Variants in WASHC5 observed in about 807,000 individuals in gnomAD.
The protein encoded by WASHC5 is WASH complex subunit 5, also known as WASH complex subunit strumpellin.
A neutral mutation model predicts 150.4 loss-of-function variants in WASHC5; 101 were observed. The ratio of observed to expected loss-of-function variants is 0.67; its 90% confidence interval spans 0.57 to 0.79. WASHC5 has a LOEUF of 0.79. Ranked by LOEUF, WASHC5 falls within the 30% of genes least tolerant of loss-of-function variation. The pLI is 0.00. For synonymous variants in WASHC5, 467 were observed against 491.2 expected (o/e 0.95, Z 0.65); for missense variants, 1,195 against 1,396.3 (o/e 0.86, Z 2.30).
chr8:125,073,954 A>G (rs1342403989), intron 8 of WASHC5, among the ~76,000 whole-genome samples: 1 of 152,240 alleles, frequency 6.6e-6, no homozygotes, highest in East Asian at 1.9e-4. Flanking sequence ...GTTGACAAAG[A>G]AGGCAGAACA....
intron 17 of WASHC5, among the ~76,000 whole-genome samples, chr8:125,053,176 A>G (rs1436956895): frequency 4.6e-5 from 7 of 151,864 alleles, no homozygotes; most frequent in African/African-American, 7.3e-5. Context: ...TTTTAAGTCA[A>G]TATCAACCAA....
intron 14 of WASHC5, 135 bp downstream of exon 14, chr8:125,059,087 C>A (rs1159443882): frequency 4.2e-6 from 3 of 713,480 alleles, no homozygotes; most frequent in Non-Finnish European, 7.5e-6. Flanking sequence ...AAACTGCTAA[C>A]AATTTCAGTC....
chr8:125,065,066 A>C (rs1816707461), intron 10 of WASHC5, among the ~76,000 whole-genome samples: 1 of 152,088 alleles, frequency 6.6e-6, no homozygotes, highest in Non-Finnish European at 1.5e-5. Context: ...CCCTTCAAAC[A>C]CTCATTCACA....
intron 6 of WASHC5, among the ~76,000 whole-genome samples, chr8:125,076,913 C>T (rs1438989440): frequency 3.3e-5 from 5 of 152,124 alleles, no homozygotes; most frequent in African/African-American, 1.2e-4. Context: ...ATCATCATCC[C>T]AGTGGAATTC....
At chr8:125,036,480 C>G (rs13249949) in intron 26 of WASHC5, among the ~76,000 whole-genome samples, 58,663 of 151,858 alleles carry the variant, frequency 0.39, 13,418 homozygotes, top group African/African-American at 0.63. Context: ...AAACCAGTCT[C>G]GGCAACATGG....
At chr8:125,074,918 T>C (rs1586379750) in intron 8 of WASHC5, 80 bp downstream of exon 8, 2 of 860,708 alleles carry the variant, frequency 2.3e-6, no homozygotes, top group East Asian at 4.9e-5. Context: ...CCAAATTCCT[T>C]GGGAAATCTA....
intron 23 of WASHC5, among the ~76,000 whole-genome samples, chr8:125,041,320 T>C (rs7003069): frequency 0.29 from 44,725 of 152,030 alleles, 7,347 homozygotes; most frequent in South Asian, 0.44. Context: ...TGGAAATAAA[T>C]GCATTTCCTC....
In WASHC5 at chr8:125,083,300, C is replaced by G. The variant is rs376044391; in HGVS notation, c.187-42G>C. 6.8e-5 allele frequency: 107 copies of G among 1,581,846 alleles called. 1 individual carries two copies. The highest frequency in any genetic ancestry group is 7.2e-5 in the Non-Finnish European group (83 of 1,154,416). On this transcript the variant is annotated intron_variant, in intron 2 of 28. Transcript: ENST00000318410. ...CATGTGAAATGTCAATAAAAGCATA[C>G]TTGTTGGTGACAATTTCTAAATAGT...
intron 7 of WASHC5, 68 bp from the exon 8 acceptor site, chr8:125,075,179 A>C (rs1817015446): frequency 3.1e-6 from 3 of 979,218 alleles, no homozygotes; most frequent in Non-Finnish European, 5.0e-6. Flanking sequence ...TGAATACTAA[A>C]GTTATAGAAG....
chr8:125,087,531 C>T (rs1246802968), intron 1 of WASHC5, among the ~76,000 whole-genome samples: 2 of 151,980 alleles, frequency 1.3e-5, no homozygotes, highest in African/African-American at 4.8e-5. Context: ...GAGTTCAAGA[C>T]CAGTCTGGGC....
At chr8:125,083,554 A>T (rs1015239553) in intron 2 of WASHC5, among the ~76,000 whole-genome samples, 159 bp downstream of exon 2, 6 of 152,200 alleles carry the variant, frequency 3.9e-5, no homozygotes, top group African/African-American at 1.4e-4. Flanking sequence ...TAATACTTTC[A>T]ACTTATTTTC....
intron 28 of WASHC5, 98 bp downstream of exon 28, chr8:125,028,522 G>T: frequency 2.4e-6 from 2 of 820,718 alleles, no homozygotes; most frequent in Non-Finnish European, 2.1e-6. Flanking sequence ...CATCTACTGT[G>T]AACGACCTAT....
At chr8:125,066,076 C>T (rs1344379025) in intron 10 of WASHC5, among the ~76,000 whole-genome samples, 1 of 152,152 alleles carries the variant, frequency 6.6e-6, no homozygotes, top group Non-Finnish European at 1.5e-5. Flanking sequence ...ACGGTAGGGA[C>T]ACATTTTGTT....
At chr8:125,048,910 G>A in intron 19 of WASHC5, 96 bp downstream of exon 19, 1 of 1,027,904 alleles carries the variant, frequency 9.7e-7, no homozygotes, top group Non-Finnish European at 1.4e-6. Context: ...AGACTATCTA[G>A]TAAACTTTCT....
chr8:125,024,680 A>G lies in WASHC5; in HGVS notation c.3424-7T>C. 1 of 1,581,822 alleles carries G rather than the reference A, an allele frequency of 6.3e-7. No homozygotes were observed. Among genetic ancestry groups the G allele is most frequent in the Non-Finnish European group, 8.7e-7 (1 of 1,150,782 alleles). Reference sequence around the variant, plus strand: ...GCACATGTGCTTCAGCAACCTGAAAAATTAAAGAATTAAATTATTCATGGT... The same window carrying G: ...GCACATGTGCTTCAGCAACCTGAAAGATTAAAGAATTAAATTATTCATGGT... On this transcript the variant is annotated splice_region_variant and splice_polypyrimidine_tract_variant and intron_variant, in intron 28 of 28. Transcript: ENST00000318410.
chr8:125,057,260 T>C (rs887632796), intron 15 of WASHC5, among the ~76,000 whole-genome samples: 1 of 152,240 alleles, frequency 6.6e-6, no homozygotes, highest in Admixed American at 6.5e-5. Context: ...TTTTACCAGA[T>C]ATGGCTCTGT....
chr8:125,059,358 T>C lies in WASHC5; in HGVS notation c.1688+18A>G. 6.2e-7 allele frequency: 1 copy of C among 1,613,964 alleles called. No homozygotes were observed. The highest frequency in any genetic ancestry group is 8.5e-7 in the Non-Finnish European group (1 of 1,179,842). On this transcript the variant is annotated intron_variant, in intron 13 of 28. Coordinates refer to ENST00000318410, the MANE Select transcript of WASHC5 (RefSeq NM_014846.4). Reference sequence around the variant, plus strand: ...TAGGGCCTTTCATCTACAGCAAATGTCAGGCTGCCTACATTACCTGTCAAT... The same window carrying C: ...TAGGGCCTTTCATCTACAGCAAATGCCAGGCTGCCTACATTACCTGTCAAT...
chr8:125,078,652 A>G (rs924643880), intron 6 of WASHC5, 86 bp downstream of exon 6: 17 of 1,107,260 alleles, frequency 1.5e-5, no homozygotes, highest in South Asian at 2.5e-5. Context: ...CTTTTGGGAA[A>G]GAAGGAAGGA....
chr8:125,057,404 T>G, intron 15 of WASHC5, 152 bp downstream of exon 15: 1 of 663,920 alleles, frequency 1.5e-6, no homozygotes, highest in Admixed American at 2.3e-5. Context: ...GCAATAAGGG[T>G]AAGTTTATTT....
Sources: gnomAD v4.1 joint callset for allele counts (sites outside exome capture counted in the v4.1 genomes callset) on GRCh38, gnomAD v4.1.1 for gene constraint, MANE v1.5 for transcripts, NCBI Gene and HGNC (gene_info 2026-07-23, HGNC 2026-07-21) for gene names.